Variants in DOCK5 observed in about 807,000 individuals in gnomAD.
DOCK5 encodes dedicator of cytokinesis protein 5.
DOCK5 carries 142 observed loss-of-function variants against 251.8 expected under a neutral mutation model. That is an observed-to-expected ratio of 0.56 (90% CI 0.49 to 0.65). The LOEUF (loss-of-function observed/expected upper bound fraction) is 0.65, where lower values mean the gene tolerates loss of function less well. DOCK5 is among the 30% of genes least tolerant of loss of function. The probability of loss-of-function intolerance (pLI) is 0.00; values close to 1 mark genes in which losing one functional copy is unlikely to be tolerated. For missense variants in DOCK5, 2,111 were observed against 2,312.3 expected (o/e 0.91, Z 1.79); for synonymous variants, 842 against 835.5 (o/e 1.01, Z -0.13).
Position 25,296,654 on chromosome 8 carries a change from G to T in DOCK5, c.606+6G>T, listed in dbSNP as rs1298223385. ...AAAAGATCCAAGAAGAGAAGGTACAGTTCCTCAAATGTGAAATTCTGCCCA... is the reference window on the plus strand; with the variant it reads ...AAAAGATCCAAGAAGAGAAGGTACATTTCCTCAAATGTGAAATTCTGCCCA... On this transcript the variant is annotated splice_donor_region_variant and intron_variant, in intron 7 of 51. Transcript: ENST00000276440. 3 of 1,612,128 alleles carry T rather than the reference G, an allele frequency of 1.9e-6. No homozygotes were observed. The South Asian group carries it at 3.3e-5, about 18-fold the overall frequency.
At chr8:25,364,742 T>G in intron 30 of DOCK5, 38 bp downstream of exon 30, 3 of 1,422,130 alleles carry the variant, frequency 2.1e-6, no homozygotes, top group Non-Finnish European at 2.9e-6. Context: ...CTAGAATTCT[T>G]GGCCATGGCA....
In DOCK5 at chr8:25,372,553, C is replaced by A. The variant is rs1403700494; in HGVS notation, c.3525-6C>A. The A allele has an allele frequency of 2.6e-6, 4 of 1,568,238 alleles. No individual in the cohort carries two copies. The highest frequency in any genetic ancestry group is 3.4e-6 in the Non-Finnish European group (4 of 1,162,318). On this transcript the variant is annotated splice_polypyrimidine_tract_variant and splice_region_variant and intron_variant, in intron 34 of 51. Coordinates refer to ENST00000276440, the MANE Select transcript of DOCK5 (RefSeq NM_024940.8). ...TGGGCTTTTGTCTCTCCCTCCGCCC[C>A]TCCAGGCTCCTAGAACATTGCCGGA...
At chr8:25,276,881 C>T (rs558988196) in intron 4 of DOCK5, 1 of 152,124 alleles carries the variant, frequency 6.6e-6, no homozygotes, top group Non-Finnish European at 1.5e-5. Flanking sequence ...GAAACTGGTT[C>T]CCAGGCAAGT....
At chr8:25,357,131 CA>C (rs1403402505) in intron 27 of DOCK5, among the ~76,000 whole-genome samples, 1 of 151,322 alleles carries the variant, frequency 6.6e-6, no homozygotes, top group African/African-American at 2.4e-5. Flanking sequence ...AGTTCATGGA[CA>C]GACTGTTTAA....
intron 40 of DOCK5, among the ~76,000 whole-genome samples, chr8:25,383,938 G>A (rs1002162117): frequency 6.6e-6 from 1 of 152,184 alleles, no homozygotes; most frequent in Non-Finnish European, 1.5e-5. Flanking sequence ...TTACCCAAGT[G>A]AAATAGAAAC....
chr8:25,214,474 G>C (rs1453618065), intron 1 of DOCK5, among the ~76,000 whole-genome samples: 1 of 152,068 alleles, frequency 6.6e-6, no homozygotes, highest in African/African-American at 2.4e-5. Context: ...GCAAATATGG[G>C]TTGTGTCTAA....
chr8:25,204,059 GGTTT>G (rs1377786942), intron 1 of DOCK5, among the ~76,000 whole-genome samples: 7 of 151,974 alleles, frequency 4.6e-5, no homozygotes, highest in Non-Finnish European at 7.4e-5. Context: ...AAGATTAGAG[GGTTT>G]GTTTGTTTTT....
At position 25,400,918 on chromosome 8, in the gene DOCK5, C is replaced by T. The variant is rs1202757565; in HGVS notation, c.4789-11C>T. The T allele has an allele frequency of 1.2e-6, 2 of 1,610,314 alleles. No homozygotes were observed. The highest frequency in any genetic ancestry group is 1.7e-6 in the Non-Finnish European group (2 of 1,178,842). The stretch of plus-strand genomic sequence containing the variant: ...AAGCACACTGCACTCATTTTTTGCC[C>T]TTCTTTCCAGATGCCCCTGCTAACA... On this transcript the variant is annotated splice_polypyrimidine_tract_variant and intron_variant, in intron 46 of 51. Coordinates refer to ENST00000276440, the MANE Select transcript of DOCK5 (RefSeq NM_024940.8).
intron 1 of DOCK5, among the ~76,000 whole-genome samples, chr8:25,235,000 A>G (rs965763277): frequency 6.6e-6 from 1 of 152,082 alleles, no homozygotes; most frequent in East Asian, 1.9e-4. Context: ...CCATGCCCTG[A>G]ATGGGAAGCT....
intron 12 of DOCK5, among the ~76,000 whole-genome samples, chr8:25,309,664 A>T (rs1805039275): frequency 6.6e-6 from 1 of 152,144 alleles, no homozygotes; most frequent in Admixed American, 6.5e-5. Flanking sequence ...TCTCCATATC[A>T]TGTTCTGTTG....
At chr8:25,369,937 T>C (rs114133581) in intron 34 of DOCK5, among the ~76,000 whole-genome samples, 1,587 of 152,324 alleles carry the variant, frequency 0.01, 34 homozygotes, top group African/African-American at 0.037. Flanking sequence ...ATTTTTGAAC[T>C]TCAACAAAAG....
At chr8:25,381,863 T>A (rs1397303795) in intron 39 of DOCK5, among the ~76,000 whole-genome samples, 2 of 152,116 alleles carry the variant, frequency 1.3e-5, no homozygotes, top group Admixed American at 6.5e-5. Flanking sequence ...GGAAAGCCCC[T>A]CATCTTGTGA....
At chr8:25,225,039 A>G (rs1349825118) in intron 1 of DOCK5, among the ~76,000 whole-genome samples, 1 of 152,234 alleles carries the variant, frequency 6.6e-6, no homozygotes, top group Non-Finnish European at 1.5e-5. Flanking sequence ...CCACAATGAA[A>G]TATCACCTCA....
chr8:25,250,581 A>G (rs75623684), intron 2 of DOCK5, among the ~76,000 whole-genome samples: 4,066 of 152,276 alleles, frequency 0.027, 218 homozygotes, highest in African/African-American at 0.092. Context: ...TATTCATTCA[A>G]CATTATTTGC....
chr8:25,268,961 C>T, intron 3 of DOCK5, 76 bp downstream of exon 3: 1 of 1,263,138 alleles, frequency 7.9e-7, no homozygotes, highest in Non-Finnish European at 1.1e-6. Flanking sequence ...GTGACCCTCT[C>T]CTCTGCTCTC....
intron 48 of DOCK5, 76 bp from the exon 49 acceptor site, chr8:25,407,907 G>T: frequency 1.4e-6 from 2 of 1,438,936 alleles, no homozygotes; most frequent in Non-Finnish European, 1.9e-6. Context: ...AGTCATAACT[G>T]CTGGTACTTT....
At chr8:25,384,464 T>A (rs989502765) in intron 40 of DOCK5, among the ~76,000 whole-genome samples, 2 of 81,206 alleles carry the variant, frequency 2.5e-5, no homozygotes, top group East Asian at 3.5e-4. Flanking sequence ...TATTTATTTA[T>A]TTTTTTTTTT....
At chr8:25,229,144 G>A (rs918555035) in intron 1 of DOCK5, among the ~76,000 whole-genome samples, 2 of 152,032 alleles carry the variant, frequency 1.3e-5, no homozygotes, top group African/African-American at 4.8e-5. Context: ...AGTCGCAGAT[G>A]CAGGAACCAG....
At chr8:25,193,570 G>A (rs574400898) in intron 1 of DOCK5, among the ~76,000 whole-genome samples, 2 of 150,936 alleles carry the variant, frequency 1.3e-5, no homozygotes, top group East Asian at 3.9e-4. Context: ...AAACCAGCCT[G>A]GGCAACGTTG....
Sources: allele counts gnomAD v4.1 joint callset (sites outside exome capture counted in the v4.1 genomes callset), GRCh38; gene constraint gnomAD v4.1.1; transcripts MANE v1.5; gene names NCBI Gene and HGNC (gene_info 2026-07-23, HGNC 2026-07-21).